Variants in RFX7 observed in about 807,000 individuals in gnomAD.
RFX7 encodes regulatory factor X7.
A neutral mutation model predicts 111.8 loss-of-function variants in RFX7; 26 were observed. The observed-to-expected ratio is 0.23, with a 90% CI of 0.17 to 0.32. The LOEUF is 0.32. Among genes scored for constraint, RFX7 ranks in the 10% least tolerant of loss-of-function variants. The pLI is 1.00. For missense variants in RFX7, 1,573 were observed against 1,772.9 expected, an observed-to-expected ratio of 0.89 and a Z score of 2.02; for synonymous variants, 624 against 624.4, an observed-to-expected ratio of 1.00 and a Z score of 0.01.
intron 2 of RFX7, among the ~76,000 whole-genome samples, chr15:56,198,323 CA>C (rs1388455948): frequency 6.6e-6 from 1 of 152,120 alleles, no homozygotes; most frequent in Admixed American, 6.5e-5. Flanking sequence ...ACTTTTGCCT[CA>C]GACGCCCTCA....
At chr15:56,224,494 T>TGTGTGTGTGTGTGTGTGC (rs1182198330) in intron 2 of RFX7, among the ~76,000 whole-genome samples, 1 of 151,634 alleles carries the variant, frequency 6.6e-6, no homozygotes, top group South Asian at 2.1e-4. Context: ...TGTGTGTGTG[T>TGTGTGTGTGTGTGTGTGC]GCAGTTCTCT....
chr15:56,217,853 A>T (rs1473398106), intron 2 of RFX7, among the ~76,000 whole-genome samples: 1 of 152,204 alleles, frequency 6.6e-6, no homozygotes, highest in African/African-American at 2.4e-5. Flanking sequence ...CAATCGAGCC[A>T]ATCTGTCGTG....
intron 8 of RFX7, among the ~76,000 whole-genome samples, chr15:56,098,628 C>T (rs1271505622): frequency 6.6e-6 from 1 of 152,200 alleles, no homozygotes; most frequent in Admixed American, 6.5e-5. Context: ...AATCAGGTGA[C>T]AGTTTCAGTT....
chr15:56,166,415 A>G (rs1172201773), intron 3 of RFX7, among the ~76,000 whole-genome samples: 1 of 152,214 alleles, frequency 6.6e-6, no homozygotes, highest in African/African-American at 2.4e-5. Flanking sequence ...GGGGACCCAA[A>G]CATTAGAATT....
chr15:56,091,838 A>G lies in RFX7; in HGVS notation c.*1507T>C, dbSNP rs2041600522. On this transcript the variant is annotated 3_prime_UTR_variant, in exon 10 of 10. Transcript: ENST00000559447. ...CTACCTTGCAAATTTATTGAACAAC[A>G]AAACCTTATTAAACCCTTCAGCACA... 1 of 152,576 alleles carries G rather than the reference A, an allele frequency of 6.6e-6. No individual in the cohort carries two copies. The highest frequency in any genetic ancestry group is 1.5e-5 in the Non-Finnish European group (1 of 67,968). 9.5% of individuals were successfully genotyped at this position (152,576 alleles called of 1,614,324 possible).
chr15:56,229,673 C>T (rs1385919660), intron 2 of RFX7, among the ~76,000 whole-genome samples: 1 of 152,208 alleles, frequency 6.6e-6, no homozygotes, highest in Non-Finnish European at 1.5e-5. Context: ...TATAGCAATT[C>T]TGGGTTGGGG....
rs149540314 is a variant in RFX7, at chr15:56,131,409, G to A, written c.401+11369C>T. Among the ~76,000 whole-genome samples, 175 of 149,308 alleles carry A rather than the reference G, an allele frequency of 1.2e-3. 1 individual carries two copies. The highest frequency in any genetic ancestry group is 4.0e-3 in the African/African-American group (160 of 40,500). On this transcript the variant is annotated intron_variant, in intron 5 of 9. Coordinates refer to ENST00000559447, the MANE Select transcript of RFX7 (RefSeq NM_022841.7). ...AGACTCTCGTATAGCTAGCACTACCGGTGCATGCCACCATGCCCAGCTAAT... is the reference window on the plus strand; with the variant it reads ...AGACTCTCGTATAGCTAGCACTACCAGTGCATGCCACCATGCCCAGCTAAT...
chr15:56,170,320 A>C (rs1470524065), intron 3 of RFX7, among the ~76,000 whole-genome samples: 1 of 152,246 alleles, frequency 6.6e-6, no homozygotes, highest in Non-Finnish European at 1.5e-5. Context: ...AGAGGGGTTG[A>C]TATCTAAGAC....
At chr15:56,237,871 G>A (rs1435902141) in intron 2 of RFX7, among the ~76,000 whole-genome samples, 1 of 152,190 alleles carries the variant, frequency 6.6e-6, no homozygotes, top group African/African-American at 2.4e-5. Flanking sequence ...TTGGGACACA[G>A]CTAGCCTCAA....
rs1208669308 is a variant in RFX7 at position 56,098,357 on chromosome 15, C to T, written c.831G>A (p.Gln277=). Reference sequence around the variant, plus strand: ...CAGCTGTAGGTATAAAAGCAGAAGGCTGGGTAATTCCTTTCATTCCTGAAA... The same window carrying T: ...CAGCTGTAGGTATAAAAGCAGAAGGTTGGGTAATTCCTTTCATTCCTGAAA... The part of the protein sequence containing the change: ...AAPAGMKGIT[Q]PSAFIPTAES... Residue 277 remains glutamine, a synonymous_variant, in exon 9 of 10, where the codon CAG becomes CAA. Transcript: ENST00000559447. 3 of 1,599,792 alleles carry T rather than the reference C, an allele frequency of 1.9e-6. No individual in the cohort carries two copies. The highest frequency in any genetic ancestry group is 2.6e-6 in the Non-Finnish European group (3 of 1,172,648).
chr15:56,222,950 C>T, intron 2 of RFX7, among the ~76,000 whole-genome samples: 1 of 152,126 alleles, frequency 6.6e-6, no homozygotes, highest in East Asian at 1.9e-4. Context: ...TATTTACTGG[C>T]AGTTTAACCT....
At chr15:56,168,513 T>C (rs2042808388) in intron 3 of RFX7, among the ~76,000 whole-genome samples, 1 of 152,162 alleles carries the variant, frequency 6.6e-6, no homozygotes, top group African/African-American at 2.4e-5. Flanking sequence ...TACATGGTAA[T>C]AGCTTTGATA....
rs773535518 is a variant in RFX7, at chr15:56,095,203, G to A, written c.2525C>T (p.Ser842Phe). 6.2e-7 allele frequency: 1 copy of A among 1,613,820 alleles called. No individual in the cohort carries two copies. Among genetic ancestry groups the A allele is most frequent in the Non-Finnish European group, 8.5e-7 (1 of 1,179,860 alleles). Residue 842 changes from serine (S) to phenylalanine (F), a missense_variant, in exon 10 of 10, where the codon TCT (serine) becomes TTT (phenylalanine). Physicochemically the swap from Ser to Phe is radical, Grantham distance 155. Around this residue, in one of 7 missense-constraint regions of RFX7, gnomAD observed 625 missense variants for 632.2 expected, o/e 0.99. Coordinates refer to ENST00000559447, the MANE Select transcript of RFX7 (RefSeq NM_022841.7). The part of the protein sequence containing the change: ...SQQLHSQIQE[S>F]SLNQIQAHSS... ...ATGTGCTTGTATTTGATTTAAAGAA[G>A]ATTCCTGTATCTGGCTATGTAGCTG...
chr15:56,242,513 T>C (rs1298130163), intron 2 of RFX7, among the ~76,000 whole-genome samples: 5 of 152,210 alleles, frequency 3.3e-5, no homozygotes, highest in African/African-American at 1.2e-4. Context: ...AAAAACCACT[T>C]TGTTGTAAAC....
chr15:56,237,891 G>A (rs1177891026), intron 2 of RFX7, among the ~76,000 whole-genome samples: 2 of 152,254 alleles, frequency 1.3e-5, no homozygotes, highest in African/African-American at 4.8e-5. Flanking sequence ...ATACGGATAT[G>A]CAAAATGCAT....
intron 3 of RFX7, among the ~76,000 whole-genome samples, chr15:56,174,564 T>C (rs769434264): frequency 6.6e-6 from 1 of 151,964 alleles, no homozygotes; most frequent in Non-Finnish European, 1.5e-5. Context: ...CTGGACAACA[T>C]GGTGAAACCC....
At chr15:56,169,700 C>CTTTTTT (rs35597885) in intron 3 of RFX7, among the ~76,000 whole-genome samples, 655 of 96,366 alleles carry the variant, frequency 6.8e-3, no homozygotes, top group Middle Eastern at 0.014. Flanking sequence ...CTAGTCAGTT[C>CTTTTTT]TTTTTTTTTT....
At chr15:56,149,959 G>T (rs180997619) in intron 3 of RFX7, among the ~76,000 whole-genome samples, 1 of 151,346 alleles carries the variant, frequency 6.6e-6, no homozygotes, top group Non-Finnish European at 1.5e-5. Context: ...AAGATCCGCT[G>T]GCTTGAAATT....
At chr15:56,241,333 C>T (rs1198376976) in intron 2 of RFX7, among the ~76,000 whole-genome samples, 1 of 152,148 alleles carries the variant, frequency 6.6e-6, no homozygotes, top group African/African-American at 2.4e-5. Flanking sequence ...CGACTATCAT[C>T]ATTATTCAAA....
Sources: allele counts gnomAD v4.1 joint callset (sites outside exome capture counted in the v4.1 genomes callset), GRCh38; gene constraint gnomAD v4.1.1; regional missense constraint gnomAD v4.1.1; transcripts MANE v1.5; gene names NCBI Gene and HGNC (gene_info 2026-07-23, HGNC 2026-07-21).